RELL1: variants seen among roughly 807,000 people sequenced by gnomAD.
The protein encoded by RELL1 is RELT like 1, also known as RELT-like protein 1.
A neutral mutation model predicts 23.0 loss-of-function variants in RELL1; 10 were observed. The observed-to-expected ratio is 0.43, with a 90% CI of 0.27 to 0.74. RELL1 has a LOEUF of 0.74. Ranked by LOEUF, RELL1 falls within the 30% of genes least tolerant of loss-of-function variation. The pLI, the probability that RELL1 is intolerant of heterozygous loss-of-function variation, is 0.19. For synonymous variants in RELL1, 146 were observed against 146.8 expected, an observed-to-expected ratio of 0.99 and a Z score of 0.04; for missense variants, 315 against 364.4, an observed-to-expected ratio of 0.86 and a Z score of 1.10.
chr4:37,612,357 CG>C lies in RELL1; in HGVS notation c.*988del. Among the ~76,000 whole-genome samples, 1 of 147,540 alleles carries C rather than the reference CG, an allele frequency of 6.8e-6. No individual in the cohort carries two copies. Among genetic ancestry groups the C allele is most frequent in the Middle Eastern group, 3.5e-3 (1 of 284 alleles). ...AAAAAAACAAAAAAAAACAAAAAAC[CG>C]GGTGCAGTGGCCCACGCCTATATTC... is the stretch of plus-strand genomic sequence containing the variant. On this transcript the variant is annotated 3_prime_UTR_variant, in exon 7 of 7. Coordinates refer to ENST00000454158, the MANE Select transcript of RELL1 (RefSeq NM_001085400.2).
Position 37,636,527 on chromosome 4 carries a change from G to A in RELL1, c.444-1404C>T, listed in dbSNP as rs367614039. 1.1e-4 allele frequency among the ~76,000 whole-genome samples: 17 copies of A among 151,612 alleles called. No homozygotes were observed. The South Asian group carries it at 1.3e-3, about 11-fold the overall frequency. On this transcript the variant is annotated intron_variant, in intron 4 of 6. Coordinates refer to ENST00000454158, the MANE Select transcript of RELL1 (RefSeq NM_001085400.2). ...GGAGAATGGTGTGAACCCGGAAGGC[G>A]GAGCTTGCAGTGAGCCTAGATCGCG...
downstream of RELL1, among the ~76,000 whole-genome samples, chr4:37,606,944 T>C (rs186292742): frequency 1.3e-5 from 2 of 152,290 alleles, no homozygotes; most frequent in Non-Finnish European, 1.5e-5. The surrounding 1 kb of genome is among the most constrained non-coding windows in gnomAD (Gnocchi z 4.1). Context: ...ATGATGAAGA[T>C]TGACATCACG....
chr4:37,633,379 A>AGC, intron 5 of RELL1, among the ~76,000 whole-genome samples: 1 of 129,450 alleles, frequency 7.7e-6, no homozygotes, highest in Non-Finnish European at 1.6e-5. Context: ...ACTGCACTCC[A>AGC]GCTTGGGTGA....
chr4:37,669,629 T>A (rs1043237062), intron 1 of RELL1, among the ~76,000 whole-genome samples: 24 of 152,170 alleles, frequency 1.6e-4, no homozygotes, highest in Non-Finnish European at 3.2e-4. Context: ...AATCGGATGG[T>A]TGCCGTGTCT....
chr4:37,628,510 C>A (rs1162738657), intron 6 of RELL1, among the ~76,000 whole-genome samples: 1 of 152,218 alleles, frequency 6.6e-6, no homozygotes, highest in Non-Finnish European at 1.5e-5. Flanking sequence ...TGATACTATT[C>A]TACTTTTGAG....
In RELL1 at chr4:37,592,393, A is replaced by G. The variant is rs117580171; in HGVS notation, c.*4-1176T>C. Among the ~76,000 whole-genome samples, 139 of 150,210 alleles carry G rather than the reference A, an allele frequency of 9.3e-4. 2 individuals are homozygous for G. In the East Asian group the frequency reaches 0.025, roughly 28 times the overall value. On this transcript the variant is annotated intron_variant, in intron 6 of 6. Transcript: ENST00000314117. ...AAAAAGAGCTAGACTACAAAATTAT[A>G]CTCAAGGAAGGGACCGAGCTGGTTT...
intron 3 of RELL1, among the ~76,000 whole-genome samples, chr4:37,644,334 C>A (rs1720623681): frequency 6.6e-6 from 1 of 151,966 alleles, no homozygotes; most frequent in Non-Finnish European, 1.5e-5. Flanking sequence ...GCCATACCTG[C>A]TTGTGTGACT....
intron 1 of RELL1, among the ~76,000 whole-genome samples, chr4:37,685,702 AT>A (rs1419380145): frequency 6.6e-6 from 1 of 152,252 alleles, no homozygotes; most frequent in African/African-American, 2.4e-5. Flanking sequence ...AACCACCCAA[AT>A]AAATGGAAAC....
In RELL1 at chr4:37,649,485, C is replaced by A. The variant is rs750997004; in HGVS notation, c.104G>T (p.Arg35Leu). 6.2e-7 allele frequency: 1 copy of A among 1,613,472 alleles called. No homozygotes were observed. The highest frequency in any genetic ancestry group is 1.3e-5 in the African/African-American group (1 of 74,920). ...PLVAPDNGSS[R>L]TLHSRTETTP... is the part of the protein sequence containing the mutation. Reference sequence around the variant, plus strand: ...CGTCTCTGTTCTGGAGTGCAATGTGCGGCTGCTCCCATTGTCTACAGAAAG... The same window carrying A: ...CGTCTCTGTTCTGGAGTGCAATGTGAGGCTGCTCCCATTGTCTACAGAAAG... The change falls in exon 2 of 7, where the codon CGC (arginine) becomes CTC (leucine). Residue 35 changes from arginine to leucine, a missense_variant. Transcript: ENST00000454158.
chr4:37,602,315 G>A lies in RELL1; in HGVS notation c.*4-11098C>T, dbSNP rs544727126. Among the ~76,000 whole-genome samples the A allele has an allele frequency of 4.0e-5, 6 of 151,642 alleles. No individual in the cohort carries two copies. The South Asian group carries it at 1.3e-3, about 32-fold the overall frequency. ...ACCAGGAAAGAAGACTACACAGCAG[G>A]AAATATGGTCTTCACCAGCCCCTAG... is the stretch of plus-strand genomic sequence containing the variant. On this transcript the variant is annotated intron_variant, in intron 6 of 6. Transcript: ENST00000314117.
At chr4:37,680,067 C>T (rs1187180133) in intron 1 of RELL1, among the ~76,000 whole-genome samples, 1 of 152,118 alleles carries the variant, frequency 6.6e-6, no homozygotes, top group Non-Finnish European at 1.5e-5. Flanking sequence ...CAGAATTATC[C>T]ATAAAGGATT....
chr4:37,610,144 T>G (rs1205983636), downstream of RELL1, among the ~76,000 whole-genome samples: 3 of 152,192 alleles, frequency 2.0e-5, no homozygotes, highest in Non-Finnish European at 2.9e-5. The surrounding 1 kb of genome is among the most constrained non-coding windows in gnomAD (Gnocchi z 4.1). Context: ...CAACCTTCAG[T>G]AACCACCACC....
At position 37,674,252 on chromosome 4, in the gene RELL1, A is replaced by G. The variant is rs191273011; in HGVS notation, c.88+11948T>C. 7.9e-5 allele frequency among the ~76,000 whole-genome samples: 12 copies of G among 152,330 alleles called. No homozygotes were observed. In the East Asian group the frequency reaches 2.3e-3, roughly 29 times the overall value. The stretch of plus-strand genomic sequence containing the variant: ...AAGAAGTTTGTTATTCATTTTACAT[A>G]CCTACATAGCACCTGACGATATCTC... On this transcript the variant is annotated intron_variant, in intron 1 of 6. Coordinates refer to ENST00000454158, the MANE Select transcript of RELL1 (RefSeq NM_001085400.2).
chr4:37,658,133 G>A (rs1313205946), intron 1 of RELL1, among the ~76,000 whole-genome samples: 2 of 152,126 alleles, frequency 1.3e-5, no homozygotes, highest in Non-Finnish European at 2.9e-5. Flanking sequence ...CAGCAGACAG[G>A]AGGCTTAGCA....
At chr4:37,608,467 A>G (rs754570154), downstream of RELL1, among the ~76,000 whole-genome samples, 3 of 152,188 alleles carry the variant, frequency 2.0e-5, no homozygotes, top group Non-Finnish European at 4.4e-5. Context: ...AGTGGCCTGG[A>G]TAAAAAAATC....
chr4:37,680,082 A>G lies in RELL1; in HGVS notation c.88+6118T>C, dbSNP rs73230548. ...CAGAATTATCCATAAAGGATTACAC[A>G]CTTGCAAATGGCTCAAAAACTAGAA... On this transcript the variant is annotated intron_variant, in intron 1 of 6. Coordinates refer to ENST00000454158, the MANE Select transcript of RELL1 (RefSeq NM_001085400.2). Among the ~76,000 whole-genome samples the G allele has an allele frequency of 5.4e-3, 826 of 152,352 alleles. 4 individuals carry two copies. Among genetic ancestry groups the G allele is most frequent in the Non-Finnish European group, 9.3e-3 (633 of 68,034 alleles).
intron 1 of RELL1, among the ~76,000 whole-genome samples, chr4:37,664,805 C>A (rs1176465832): frequency 6.6e-6 from 1 of 151,876 alleles, no homozygotes; most frequent in African/African-American, 2.4e-5. Context: ...ATCACTGGGT[C>A]GAGGCAGAGA....
chr4:37,637,573 C>A (rs190276867), intron 4 of RELL1, among the ~76,000 whole-genome samples: 2 of 152,168 alleles, frequency 1.3e-5, no homozygotes, highest in South Asian at 4.1e-4. Context: ...ATTGGCCCCC[C>A]GGGGTCCCCC....
chr4:37,636,594 CAAA>C (rs11318273), intron 4 of RELL1, among the ~76,000 whole-genome samples: 11 of 86,772 alleles, frequency 1.3e-4, no homozygotes, highest in Non-Finnish European at 1.7e-4. Flanking sequence ...GACTCTGTCT[CAAA>C]AAAAAAAAAA....
Sources: gnomAD v4.1 joint callset for allele counts (sites outside exome capture counted in the v4.1 genomes callset) on GRCh38, gnomAD v4.1.1 for gene constraint, Gnocchi (gnomAD v3.1) non-coding constraint, MANE v1.5 for transcripts, NCBI Gene and HGNC (gene_info 2026-07-23, HGNC 2026-07-21) for gene names.